Variants in OIP5 observed in about 807,000 individuals in gnomAD.
OIP5 encodes the protein protein Mis18-beta.
A neutral mutation model predicts 20.3 loss-of-function variants in OIP5; 24 were observed. That is an observed-to-expected ratio of 1.18 (90% CI 0.86 to 1.66). The LOEUF (loss-of-function observed/expected upper bound fraction) is 1.66. Among genes scored for constraint, OIP5 ranks in the 40% most tolerant of loss-of-function variants. OIP5 has a pLI of 0.00. For missense variants in OIP5, 339 were observed against 289.5 expected (o/e 1.17, Z -1.24); for synonymous variants, 143 against 121.3 (o/e 1.18, Z -1.17).
At chr15:41,319,878 G>A (rs752110647) in intron 2 of OIP5, 98 bp from the exon 3 acceptor site, 10 of 950,980 alleles carry the variant, frequency 1.1e-5, no homozygotes, top group Non-Finnish European at 1.5e-5. Context: ...CCTAAGTCAG[G>A]GTGAAAATTA....
Position 41,328,903 on chromosome 15 carries a change from T to C in OIP5, c.389+3012A>G, listed in dbSNP as rs201463136. Among the ~76,000 whole-genome samples the C allele has an allele frequency of 4.6e-5, 7 of 151,276 alleles. No individual in the cohort carries two copies. The East Asian group carries it at 1.4e-3, about 29-fold the overall frequency. Reference sequence around the variant, plus strand: ...TGAAACCCCGTCTCTACTAAAAATATAAAAATACAAAAATTAGCCAGGCAT... The same window carrying C: ...TGAAACCCCGTCTCTACTAAAAATACAAAAATACAAAAATTAGCCAGGCAT... On this transcript the variant is annotated intron_variant, in intron 2 of 4. Transcript: ENST00000220514.
At chr15:41,326,841 C>A (rs1234708001) in intron 2 of OIP5, among the ~76,000 whole-genome samples, 1 of 152,180 alleles carries the variant, frequency 6.6e-6, no homozygotes. Context: ...CTTGCTGGGC[C>A]TTCCATCATT....
intron 1 of OIP5, 34 bp from the exon 2 acceptor site, chr15:41,332,015 C>G: frequency 6.2e-7 from 1 of 1,604,324 alleles, no homozygotes; most frequent in Non-Finnish European, 8.5e-7. Context: ...AACCCATACT[C>G]TGCGGGCCTT....
intron 2 of OIP5, among the ~76,000 whole-genome samples, chr15:41,328,136 T>C (rs547400796): frequency 1.3e-5 from 2 of 152,310 alleles, no homozygotes; most frequent in East Asian, 3.9e-4. Flanking sequence ...TATTTATGGA[T>C]GGAATGATGT....
intron 4 of OIP5, among the ~76,000 whole-genome samples, chr15:41,311,210 G>A (rs576930199): frequency 7.9e-5 from 12 of 152,172 alleles, no homozygotes; most frequent in Admixed American, 2.6e-4. Flanking sequence ...GTAAAACCCC[G>A]TCTCTACTAA....
chr15:41,319,064 T>G (rs149204615), intron 3 of OIP5, among the ~76,000 whole-genome samples: 1 of 151,798 alleles, frequency 6.6e-6, no homozygotes, highest in Non-Finnish European at 1.5e-5. Context: ...ACAAACACTT[T>G]GTCTTTTTTC....
Position 41,313,364 on chromosome 15 carries a change from A to G in OIP5, c.513-10T>C, listed in dbSNP as rs1595498709. ...TGTTTTTAAGAGATAGCTAGATAGGAAAAAAGAAAAATATTAGTGTCATAC... is the reference window on the plus strand; with the variant it reads ...TGTTTTTAAGAGATAGCTAGATAGGGAAAAAGAAAAATATTAGTGTCATAC... On this transcript the variant is annotated splice_polypyrimidine_tract_variant and intron_variant, in intron 3 of 4. Transcript: ENST00000220514. The G allele has an allele frequency of 6.9e-7, 1 of 1,449,336 alleles. No individual in the cohort carries two copies. The highest frequency in any genetic ancestry group is 9.6e-7 in the Non-Finnish European group (1 of 1,039,632). 89.8% of individuals were successfully genotyped at this position (1,449,336 alleles called of 1,614,324 possible). A position where few individuals can be genotyped will look rare whatever the true frequency, so the allele number is the denominator to read the frequency against.
chr15:41,317,133 T>C (rs764179344), intron 3 of OIP5, among the ~76,000 whole-genome samples: 42 of 152,322 alleles, frequency 2.8e-4, no homozygotes, highest in Admixed American at 7.2e-4. Flanking sequence ...AGGGTAGTTT[T>C]TCTGACACTA....
At chr15:41,324,794 T>C (rs2047851657) in intron 2 of OIP5, among the ~76,000 whole-genome samples, 1 of 152,126 alleles carries the variant, frequency 6.6e-6, no homozygotes, top group Non-Finnish European at 1.5e-5. Flanking sequence ...CTAACCCCAT[T>C]TTTTTTCTTC....
At chr15:41,321,158 G>A (rs955287473) in intron 2 of OIP5, among the ~76,000 whole-genome samples, 177 of 150,824 alleles carry the variant, frequency 1.2e-3, no homozygotes, top group Non-Finnish European at 2.0e-3. Context: ...GAGGTGGGGG[G>A]TCAGCCCCCC....
At chr15:41,312,910 G>A (rs760349439) in intron 4 of OIP5, among the ~76,000 whole-genome samples, 8 of 152,232 alleles carry the variant, frequency 5.3e-5, no homozygotes, top group Middle Eastern at 3.4e-3. Context: ...TTACAGGCGT[G>A]AGCCACCACG....
chr15:41,332,501 A>C lies in OIP5; in HGVS notation c.61T>G (p.Cys21Gly), dbSNP rs748493793. The C allele has an allele frequency of 1.2e-6, 2 of 1,613,796 alleles. No homozygotes were observed. Among genetic ancestry groups the C allele is most frequent in the East Asian group, 4.5e-5 (2 of 44,876 alleles). The change falls in exon 1 of 5, where the codon TGT becomes GGT. Residue 21 changes from cysteine to glycine, a missense_variant. Cys to Gly is a radical substitution (Grantham distance 159). Transcript: ENST00000220514. ...RCATPPRGDF[C>G]GGTERAIDQA... ...TCAATCGCCCTCTCAGTGCCACCAC[A>C]AAAGTCCCCCCGGGGCGGCGTTGCA...
At chr15:41,316,277 C>T (rs1001038074) in intron 3 of OIP5, among the ~76,000 whole-genome samples, 1 of 152,076 alleles carries the variant, frequency 6.6e-6, no homozygotes, top group African/African-American at 2.4e-5. Flanking sequence ...TGCCATTGCA[C>T]TTCCAGCCTG....
intron 4 of OIP5, among the ~76,000 whole-genome samples, chr15:41,310,851 T>G (rs936080843): frequency 6.6e-6 from 1 of 152,242 alleles, no homozygotes; most frequent in African/African-American, 2.4e-5. Context: ...ACTAATGGTC[T>G]GCAAAGTTAA....
At chr15:41,328,787 C>T (rs1039331597) in intron 2 of OIP5, among the ~76,000 whole-genome samples, 17 of 152,010 alleles carry the variant, frequency 1.1e-4, no homozygotes, top group Admixed American at 2.6e-4. Context: ...AGGCCTGGTG[C>T]GGTGGCTCAC....
At chr15:41,323,794 C>T (rs997288674) in intron 2 of OIP5, among the ~76,000 whole-genome samples, 1 of 151,986 alleles carries the variant, frequency 6.6e-6, no homozygotes, top group Non-Finnish European at 1.5e-5. Flanking sequence ...GTAATGACTT[C>T]TCCTTTCTAC....
At position 41,319,724 on chromosome 15, in the gene OIP5, T is replaced by A; in HGVS notation, c.446A>T (p.Tyr149Phe). The A allele has an allele frequency of 6.2e-7, 1 of 1,613,788 alleles. No homozygotes were observed. The highest frequency in any genetic ancestry group is 8.5e-7 in the Non-Finnish European group (1 of 1,179,828). The stretch of plus-strand genomic sequence containing the variant: ...GGCAGCCAGGGCAGCATGGGTAGAA[T>A]ACAGATGGAAACCAACGGGAATCCC... Reference protein sequence around the residue: ...SCGIPVGFHLYSTHAALAALR... With the variant: ...SCGIPVGFHLFSTHAALAALR... The change falls in exon 3 of 5, where the codon TAT becomes TTT. Residue 149 changes from tyrosine to phenylalanine, a missense_variant. By Grantham distance (22) the Tyr-to-Phe change is conservative. Transcript: ENST00000220514.
rs771728947 is a variant in OIP5 at position 41,332,536 on chromosome 15, C to A, written c.26G>T (p.Arg9Leu). Residue 9 changes from arginine to leucine, a missense_variant, in exon 1 of 5, where the codon CGC becomes CTC. Physicochemically the swap from Arg to Leu is moderately radical, Grantham distance 102. Transcript: ENST00000220514. ...CCGGGGCGGCGTTGCACAACGTGAG[C>A]GATGCCGCAGCGGCTGAGCCGCCAT... MAAQPLRH[R>L]SRCATPPRGD... 2.5e-6 allele frequency: 4 copies of A among 1,610,160 alleles called. No individual in the cohort carries two copies. In the African/African-American group the frequency reaches 4.0e-5, roughly 16 times the overall value.
intron 4 of OIP5, 27 bp from the exon 5 acceptor site, chr15:41,309,876 G>A (rs2047744249): frequency 4.0e-6 from 6 of 1,498,742 alleles, no homozygotes; most frequent in South Asian, 1.2e-5. Flanking sequence ...ATAGATATCA[G>A]GGCATCTTTT....
Sources: allele counts gnomAD v4.1 joint callset (sites outside exome capture counted in the v4.1 genomes callset), GRCh38; gene constraint gnomAD v4.1.1; transcripts MANE v1.5; gene names NCBI Gene and HGNC (gene_info 2026-07-23, HGNC 2026-07-21).